The following CARNMT1 variants were observed in gnomAD, a reference collection of about 807,000 sequenced individuals.
CARNMT1 encodes protein-L-histidine N-pros-methyltransferase CARNMT1.
A neutral mutation model predicts 49.6 loss-of-function variants in CARNMT1; 28 were observed. The observed-to-expected ratio is 0.56, with a 90% CI of 0.42 to 0.77. The LOEUF is 0.77. Among genes scored for constraint, CARNMT1 ranks in the 30% least tolerant of loss-of-function variants. The pLI, the probability that CARNMT1 is intolerant of heterozygous loss-of-function variation, is 0.00. For missense variants in CARNMT1, 421 were observed against 512.6 expected, an observed-to-expected ratio of 0.82 and a Z score of 1.73; for synonymous variants, 178 against 175.0, an observed-to-expected ratio of 1.02 and a Z score of -0.13.
intron 1 of CARNMT1, among the ~76,000 whole-genome samples, chr9:75,023,061 G>T (rs1461109581): frequency 6.6e-6 from 1 of 150,816 alleles, no homozygotes; most frequent in East Asian, 1.9e-4. Context: ...AGAATCGCTT[G>T]AACCTGGGAG....
chr9:75,027,331 G>T lies in CARNMT1; in HGVS notation c.230+681C>A, dbSNP rs1822560466. 4.8e-6 allele frequency: 4 copies of T among 838,532 alleles called. No individual in the cohort carries two copies. In the South Asian group the frequency reaches 2.2e-4, roughly 46 times the overall value. The allele number at this position is 838,532 out of a possible 1,614,324, so 51.9% of individuals were successfully genotyped here. On this transcript the variant is annotated intron_variant, in intron 1 of 7. Transcript: ENST00000376834. ...AGGGAGAATTAGATACAGATTTGCA[G>T]AAAAAAAGAACGTAAAGGCAGCTCT...
intron 7 of CARNMT1, among the ~76,000 whole-genome samples, 158 bp from the exon 8 acceptor site, chr9:74,984,026 G>A (rs1258637712): frequency 6.6e-6 from 1 of 152,124 alleles, no homozygotes; most frequent in African/African-American, 2.4e-5. Context: ...AATATTAGTA[G>A]TCTCACTTTA....
chr9:74,999,183 G>A (rs1044278930), intron 4 of CARNMT1, among the ~76,000 whole-genome samples: 2 of 151,556 alleles, frequency 1.3e-5, no homozygotes, highest in African/African-American at 2.4e-5. Flanking sequence ...TGCCATCCGA[G>A]ACAACATATT....
At chr9:75,012,119 A>G (rs988032803) in intron 3 of CARNMT1, among the ~76,000 whole-genome samples, 1 of 152,184 alleles carries the variant, frequency 6.6e-6, no homozygotes, top group Non-Finnish European at 1.5e-5. Context: ...AAAGGAACTG[A>G]GATTTTTCTG....
chr9:75,014,315 G>A (rs1365818786), intron 3 of CARNMT1, among the ~76,000 whole-genome samples: 6 of 152,138 alleles, frequency 3.9e-5, no homozygotes, highest in Non-Finnish European at 8.8e-5. Context: ...TAGACAACTG[G>A]GCGAATAAGT....
chr9:75,027,171 A>G, intron 1 of CARNMT1: 1 of 1,264,796 alleles, frequency 7.9e-7, no homozygotes, highest in Non-Finnish European at 1.0e-6. Context: ...CAGTTGATTT[A>G]AGTCCCTTTC....
At chr9:75,018,451 T>C (rs1381332183) in intron 1 of CARNMT1, among the ~76,000 whole-genome samples, 1 of 152,192 alleles carries the variant, frequency 6.6e-6, no homozygotes, top group Non-Finnish European at 1.5e-5. Flanking sequence ...AAATCCTGAC[T>C]ATATCAAATT....
chr9:75,002,404 T>C (rs1326053400), intron 3 of CARNMT1, among the ~76,000 whole-genome samples: 1 of 152,170 alleles, frequency 6.6e-6, no homozygotes, highest in Non-Finnish European at 1.5e-5. Context: ...CTTTGAATCA[T>C]AGTACAGTAC....
intron 6 of CARNMT1, among the ~76,000 whole-genome samples, chr9:74,988,451 T>C (rs564162949): frequency 6.6e-6 from 1 of 152,316 alleles, no homozygotes; most frequent in Admixed American, 6.5e-5. Flanking sequence ...ATTAGGAACA[T>C]TTCTCTATTT....
intron 1 of CARNMT1, among the ~76,000 whole-genome samples, chr9:75,023,379 G>C (rs550066489): frequency 6.6e-6 from 1 of 152,100 alleles, no homozygotes; most frequent in East Asian, 1.9e-4. Context: ...TATTCCCACG[G>C]GTGCCACTTT....
rs1185775458 is a variant in CARNMT1 at position 75,000,265 on chromosome 9, C to T, written c.591-395G>A. Among the ~76,000 whole-genome samples, 5 of 152,102 alleles carry T rather than the reference C, an allele frequency of 3.3e-5. No homozygotes were observed. The East Asian group carries it at 5.8e-4, about 18-fold the overall frequency. On this transcript the variant is annotated intron_variant, in intron 3 of 7. Coordinates refer to ENST00000376834, the MANE Select transcript of CARNMT1 (RefSeq NM_152420.3). ...TCATCATATGGGACAATAAATACAA[C>T]ATAACTTTATTTCTAAATTTTATAT...
chr9:75,009,961 G>C (rs1833636073), intron 3 of CARNMT1: 1 of 152,088 alleles, frequency 6.6e-6, no homozygotes, highest in African/African-American at 2.4e-5. Flanking sequence ...GCAAAAGGTA[G>C]ATCATGTATA....
At chr9:74,999,595 C>T in intron 4 of CARNMT1, 135 bp downstream of exon 4, 2 of 702,858 alleles carry the variant, frequency 2.8e-6, no homozygotes, top group South Asian at 5.5e-5. Context: ...TTGATTTTAA[C>T]ATAAGACACA....
chr9:75,024,726 TAA>T (rs1231591999), intron 1 of CARNMT1, among the ~76,000 whole-genome samples: 1 of 152,166 alleles, frequency 6.6e-6, no homozygotes, highest in Non-Finnish European at 1.5e-5. Flanking sequence ...ACGTATTAAC[TAA>T]AAGACATTTT....
intron 1 of CARNMT1, among the ~76,000 whole-genome samples, chr9:75,019,655 T>A (rs1833942444): frequency 6.6e-6 from 1 of 152,220 alleles, no homozygotes; most frequent in Non-Finnish European, 1.5e-5. Flanking sequence ...CTTACCTCTA[T>A]CAACCAACTA....
chr9:75,005,003 C>CTA (rs1275199654), intron 3 of CARNMT1, among the ~76,000 whole-genome samples: 1 of 152,136 alleles, frequency 6.6e-6, no homozygotes, highest in African/African-American at 2.4e-5. Context: ...TCCTTACCTA[C>CTA]TATAAGCTTT....
At chr9:75,014,293 C>G (rs897115793) in intron 3 of CARNMT1, among the ~76,000 whole-genome samples, 3 of 152,116 alleles carry the variant, frequency 2.0e-5, no homozygotes, top group Non-Finnish European at 2.9e-5. Context: ...TGAAACCATT[C>G]TGTGTGTACT....
At chr9:75,014,118 GA>G (rs1209624054) in intron 3 of CARNMT1, among the ~76,000 whole-genome samples, 2 of 151,156 alleles carry the variant, frequency 1.3e-5, no homozygotes, top group Non-Finnish European at 2.9e-5. Flanking sequence ...TAAAGGGAGG[GA>G]ATAAAACACC....
intron 2 of CARNMT1, chr9:75,016,680 G>C (rs1234707834): frequency 2.4e-6 from 1 of 425,412 alleles, no homozygotes; most frequent in African/African-American, 2.0e-5. Flanking sequence ...CTTTACTCAG[G>C]AGAGGACCAA....
Sources: gnomAD v4.1 joint callset for allele counts (sites outside exome capture counted in the v4.1 genomes callset) on GRCh38, gnomAD v4.1.1 for gene constraint, MANE v1.5 for transcripts, NCBI Gene and HGNC (gene_info 2026-07-23, HGNC 2026-07-21) for gene names.